The following YJU2 variants were observed in gnomAD, a reference collection of about 807,000 sequenced individuals.
YJU2 encodes splicing factor YJU2.
In YJU2, 28 loss-of-function variants were observed where a neutral mutation model predicts 39.6. The ratio of observed to expected loss-of-function variants is 0.71; its 90% CI spans 0.52 to 0.97. The LOEUF (loss-of-function observed/expected upper bound fraction) is 0.97, where lower values mean the gene tolerates loss of function less well. YJU2 is among the 50% of genes least tolerant of loss of function. YJU2 has a pLI of 0.00. For synonymous variants in YJU2, 184 were observed against 182.4 expected (o/e 1.01, Z -0.07); for missense variants, 328 against 430.4 (o/e 0.76, Z 2.11).
intron 6 of YJU2, among the ~76,000 whole-genome samples, chr19:4,265,246 T>C (rs1381758026): frequency 1.3e-5 from 2 of 151,934 alleles, no homozygotes; most frequent in African/African-American, 4.8e-5. Flanking sequence ...GTTTTCTTGG[T>C]TTATTTTATT....
intron 6 of YJU2, among the ~76,000 whole-genome samples, chr19:4,264,223 C>G (rs1971097127): frequency 7.8e-6 from 1 of 127,526 alleles, no homozygotes; most frequent in Non-Finnish European, 1.6e-5. Context: ...GATTGTGCCA[C>G]TGCACTCCAG....
chr19:4,251,243 C>T lies in YJU2; in HGVS notation c.270+72C>T, dbSNP rs983857916. The T allele has an allele frequency of 5.6e-6, 8 of 1,429,012 alleles. No individual in the cohort carries two copies. In the African/African-American group the frequency reaches 9.9e-5, roughly 18 times the overall value. 88.5% of individuals were successfully genotyped at this position (1,429,012 alleles called of 1,614,324 possible). On this transcript the variant is annotated intron_variant, in intron 3 of 7. Coordinates refer to ENST00000262962, the MANE Select transcript of YJU2 (RefSeq NM_018074.6). ...TCAGATCAGGGCGGGCCCTGGGGTTCCTTAACTCCAATCCTCTCCATCCAG... is the reference window on the plus strand; with the variant it reads ...TCAGATCAGGGCGGGCCCTGGGGTTTCTTAACTCCAATCCTCTCCATCCAG...
chr19:4,264,029 A>G (rs1047619483), intron 6 of YJU2, among the ~76,000 whole-genome samples: 13 of 151,602 alleles, frequency 8.6e-5, no homozygotes, highest in East Asian at 2.0e-4. Flanking sequence ...TTGGGAGGCC[A>G]AGGCGGGTGG....
intron 3 of YJU2, among the ~76,000 whole-genome samples, chr19:4,253,744 T>G (rs1260937800): frequency 6.6e-6 from 1 of 152,146 alleles, no homozygotes; most frequent in African/African-American, 2.4e-5. Context: ...TGTATACATA[T>G]TTGTACATGT....
chr19:4,249,258 A>G lies in YJU2; in HGVS notation c.55A>G (p.Lys19Glu). 1 of 1,613,664 alleles carries G rather than the reference A, an allele frequency of 6.2e-7. No homozygotes were observed. The highest frequency in any genetic ancestry group is 1.1e-5 in the South Asian group (1 of 91,030). Reference protein sequence around the residue: ...KYYPPDFDPSKIPKLKLPKDR... With the variant: ...KYYPPDFDPSEIPKLKLPKDR... The stretch of plus-strand genomic sequence containing the variant: ...CTACCCGCCGGACTTTGACCCATCA[A>G]AGATCCCCAAACTCAAGCTCCCCAA... The change falls in exon 2 of 8, where the codon AAG becomes GAG. Residue 19 changes from lysine to glutamate, a missense_variant. Transcript: ENST00000262962.
At chr19:4,266,623 A>T (rs1407485559) in intron 6 of YJU2, among the ~76,000 whole-genome samples, 1 of 152,110 alleles carries the variant, frequency 6.6e-6, no homozygotes, top group Non-Finnish European at 1.5e-5. Context: ...GAGCTCCGTG[A>T]GGGCAGAGCA....
intron 4 of YJU2, 101 bp downstream of exon 4, chr19:4,254,590 A>T (rs1971004151): frequency 7.0e-7 from 1 of 1,435,672 alleles, no homozygotes; most frequent in Non-Finnish European, 9.2e-7. Flanking sequence ...CAAGGAAGGA[A>T]GATGGGGTGG....
chr19:4,250,415 C>T (rs1452589914), intron 2 of YJU2, among the ~76,000 whole-genome samples: 1 of 152,120 alleles, frequency 6.6e-6, no homozygotes, highest in Non-Finnish European at 1.5e-5. Flanking sequence ...TAGTGGTAGT[C>T]AGGCAGGTGC....
At chr19:4,251,235 C>A in intron 3 of YJU2, 64 bp downstream of exon 3, 1 of 1,523,854 alleles carries the variant, frequency 6.6e-7, no homozygotes, top group African/African-American at 1.4e-5. Flanking sequence ...AGGGCGGGCC[C>A]TGGGGTTCCT....
chr19:4,247,301 C>G (rs990793636), intron 1 of YJU2, 131 bp downstream of exon 1: 74 of 760,374 alleles, frequency 9.7e-5, no homozygotes, highest in Non-Finnish European at 1.5e-4. Context: ...ATGGGGCTTC[C>G]CAGACTCCTC....
intron 7 of YJU2, 130 bp downstream of exon 7, chr19:4,267,904 T>C: frequency 2.8e-6 from 2 of 719,878 alleles, no homozygotes; most frequent in African/African-American, 3.6e-5. Context: ...CAGGACCAAT[T>C]AGTGGAGTGA....
At chr19:4,259,659 G>T (rs982166968) in intron 5 of YJU2, among the ~76,000 whole-genome samples, 9 of 152,040 alleles carry the variant, frequency 5.9e-5, no homozygotes, top group African/African-American at 1.7e-4. Context: ...GATGACACGT[G>T]TGAGCCCCTG....
intron 1 of YJU2, 86 bp from the exon 2 acceptor site, chr19:4,249,142 A>C (rs1970954932): frequency 1.1e-6 from 1 of 898,048 alleles, no homozygotes; most frequent in African/African-American, 1.7e-5. Context: ...GACCCCCGAC[A>C]CAGCTCCCCA....
Position 4,258,237 on chromosome 19 carries a change from G to T in YJU2, c.406-5G>T, listed in dbSNP as rs369558139. The T allele has an allele frequency of 1.2e-5, 18 of 1,551,138 alleles. No individual in the cohort carries two copies. In the African/African-American group the frequency reaches 2.1e-4, roughly 18 times the overall value. On this transcript the variant is annotated splice_region_variant and splice_polypyrimidine_tract_variant and intron_variant, in intron 4 of 7. Coordinates refer to ENST00000262962, the MANE Select transcript of YJU2 (RefSeq NM_018074.6). ...CACTCAGCCCCGCCGCCCCGCGCCCGCCAGGTGCTGGAGAACCGGACCAAG... is the reference window on the plus strand; with the variant it reads ...CACTCAGCCCCGCCGCCCCGCGCCCTCCAGGTGCTGGAGAACCGGACCAAG...
chr19:4,257,556 C>T (rs1368114222), intron 4 of YJU2, among the ~76,000 whole-genome samples: 2 of 152,172 alleles, frequency 1.3e-5, no homozygotes, highest in Admixed American at 6.6e-5. Context: ...TCACTGCAAC[C>T]TCTGCCTCCC....
intron 3 of YJU2, among the ~76,000 whole-genome samples, chr19:4,252,809 C>T (rs1318530574): frequency 6.6e-6 from 1 of 151,834 alleles, no homozygotes; most frequent in Non-Finnish European, 1.5e-5. Context: ...GCCTATAGTC[C>T]TAGCTACTTG....
rs182404414 is a variant in YJU2 at position 4,266,566 on chromosome 19, G to T, written c.709-1058G>T. On this transcript the variant is annotated intron_variant, in intron 6 of 7. Coordinates refer to ENST00000262962, the MANE Select transcript of YJU2 (RefSeq NM_018074.6). ...TGGCTTCTCTCTCACCCAGATGGAT[G>T]TTATCCTGGGTATTGGTCTCCTTGT... Among the ~76,000 whole-genome samples, 15 of 152,256 alleles carry T rather than the reference G, an allele frequency of 9.9e-5. No individual in the cohort carries two copies. In the East Asian group the frequency reaches 2.7e-3, roughly 27 times the overall value.
chr19:4,265,970 TC>T (rs1428004836), intron 6 of YJU2, among the ~76,000 whole-genome samples: 10 of 143,082 alleles, frequency 7.0e-5, no homozygotes, highest in Admixed American at 2.1e-4. Flanking sequence ...TTTTTTTTTT[TC>T]GAGACGGCGT....
At position 4,267,647 on chromosome 19, in the gene YJU2, G is replaced by A. The variant is rs749284785; in HGVS notation, c.732G>A (p.Val244=). ...AGGCCCCAAAGCCCAAGAGGAAGGT[G>A]GAGGTCTGGGAGCAGAGCGTTGGCA... ...LDEAPKPKRK[V]EVWEQSVGSL... The change falls in exon 7 of 8, where the codon GTG becomes GTA. Residue 244 remains valine, a synonymous_variant. Coordinates refer to ENST00000262962, the MANE Select transcript of YJU2 (RefSeq NM_018074.6). 1 of 1,613,404 alleles carries A rather than the reference G, an allele frequency of 6.2e-7. No homozygotes were observed. The highest frequency in any genetic ancestry group is 1.7e-4 in the Middle Eastern group (1 of 5,790).
Sources: allele counts gnomAD v4.1 joint callset (sites outside exome capture counted in the v4.1 genomes callset), GRCh38; gene constraint gnomAD v4.1.1; transcripts MANE v1.5; gene names NCBI Gene and HGNC (gene_info 2026-07-23, HGNC 2026-07-21).